The following SGCZ variants were observed in gnomAD, a reference collection of about 807,000 sequenced individuals.
SGCZ encodes zeta-sarcoglycan.
A neutral mutation model predicts 41.3 loss-of-function variants in SGCZ; 40 were observed. The ratio of observed to expected loss-of-function variants is 0.97; its 90% CI spans 0.75 to 1.26. The LOEUF (loss-of-function observed/expected upper bound fraction) is 1.26. Ranked by LOEUF, SGCZ falls within the 50% of genes most tolerant of loss-of-function variation. SGCZ has a pLI of 0.00. For missense variants in SGCZ, 552 were observed against 369.8 expected, an observed-to-expected ratio of 1.49 and a Z score of -4.04; for synonymous variants, 206 against 137.5, an observed-to-expected ratio of 1.50 and a Z score of -3.49.
rs189827896 is a variant in SGCZ, at chr8:14,621,598, A to G, written c.40-66672T>C. Among the ~76,000 whole-genome samples, 3 of 152,304 alleles carry G rather than the reference A, an allele frequency of 2.0e-5. No homozygotes were observed. The East Asian group carries it at 5.8e-4, about 29-fold the overall frequency. ...ATGACCGGAACGCCTCAAGAAAATT[A>G]CAATCATGGCAGAAGGTGAAGGGGA... On this transcript the variant is annotated intron_variant, in intron 1 of 7. Coordinates refer to ENST00000382080, the MANE Select transcript of SGCZ (RefSeq NM_139167.4).
At chr8:14,138,955 A>G (rs1361643192) in intron 5 of SGCZ, among the ~76,000 whole-genome samples, 1 of 152,206 alleles carries the variant, frequency 6.6e-6, no homozygotes, top group East Asian at 1.9e-4. Flanking sequence ...AGCACTCCTC[A>G]GCAAATGTAA....
intron 1 of SGCZ, among the ~76,000 whole-genome samples, chr8:15,088,144 T>C (rs1436431501): frequency 2.0e-5 from 3 of 152,262 alleles, no homozygotes; most frequent in South Asian, 2.1e-4. Flanking sequence ...ATATGCATGA[T>C]ACTTTATATT....
At chr8:14,342,904 G>C (rs1481105465) in intron 2 of SGCZ, among the ~76,000 whole-genome samples, 1 of 152,172 alleles carries the variant, frequency 6.6e-6, no homozygotes, top group African/African-American at 2.4e-5. Flanking sequence ...TGGAGGCCCA[G>C]GAGGAAAAAG....
At chr8:14,654,296 T>A (rs370982170) in intron 1 of SGCZ, among the ~76,000 whole-genome samples, 1 of 151,972 alleles carries the variant, frequency 6.6e-6, no homozygotes, top group South Asian at 2.1e-4. Flanking sequence ...TCGGGAGGAA[T>A]CCCAGTTCTG....
intron 4 of SGCZ, among the ~76,000 whole-genome samples, chr8:14,215,814 A>T (rs952899026): frequency 6.6e-6 from 1 of 152,242 alleles, no homozygotes; most frequent in East Asian, 1.9e-4. Context: ...CATAACCTTA[A>T]ATAAGAGTGT....
chr8:14,649,436 A>G (rs542803629), intron 1 of SGCZ, among the ~76,000 whole-genome samples: 10 of 152,158 alleles, frequency 6.6e-5, no homozygotes, highest in Middle Eastern at 3.4e-3. Context: ...TGAAATACAG[A>G]CTTAATGCGT....
At position 14,201,324 on chromosome 8, in the gene SGCZ, A is replaced by C. The variant is rs187555207; in HGVS notation, c.424+36268T>G. On this transcript the variant is annotated intron_variant, in intron 4 of 7. Transcript: ENST00000382080. ...TTCACAAAAAAAGCCTGTATGCATA[A>C]GCTTCTAGTGGCTTTATATCAAGAA... is the stretch of plus-strand genomic sequence containing the variant. 1.5e-4 allele frequency among the ~76,000 whole-genome samples: 23 copies of C among 152,302 alleles called. No individual in the cohort carries two copies. The East Asian group carries it at 4.4e-3, about 29-fold the overall frequency.
intron 1 of SGCZ, among the ~76,000 whole-genome samples, chr8:14,644,580 C>A (rs562403985): frequency 6.6e-6 from 1 of 151,656 alleles, no homozygotes; most frequent in Non-Finnish European, 1.5e-5. Flanking sequence ...GATCCTGATT[C>A]GAAAATCAAT....
intron 1 of SGCZ, among the ~76,000 whole-genome samples, chr8:14,702,925 G>GTAGA (rs1159190492): frequency 0.035 from 4,388 of 125,902 alleles, 92 homozygotes; most frequent in East Asian, 0.064. Context: ...AGTTAGGTAG[G>GTAGA]TAGATAGATA....
intron 1 of SGCZ, among the ~76,000 whole-genome samples, chr8:15,011,053 T>A (rs996264636): frequency 1.3e-5 from 2 of 152,324 alleles, no homozygotes; most frequent in African/African-American, 4.8e-5. Context: ...TTGCAATTTT[T>A]TCTTTAAATT....
chr8:15,089,639 C>T (rs1471910026), intron 1 of SGCZ, among the ~76,000 whole-genome samples: 1 of 152,144 alleles, frequency 6.6e-6, no homozygotes, highest in African/African-American at 2.4e-5. Flanking sequence ...TTTTTACCTG[C>T]TTGGCCTTCA....
intron 3 of SGCZ, among the ~76,000 whole-genome samples, chr8:14,252,857 C>T (rs1436203516): frequency 1.3e-5 from 2 of 152,150 alleles, no homozygotes; most frequent in South Asian, 2.1e-4. Context: ...TTTCAACTCC[C>T]TGTTTCTGAA....
At chr8:14,303,641 AATG>A (rs554086355) in intron 3 of SGCZ, among the ~76,000 whole-genome samples, 20 of 152,280 alleles carry the variant, frequency 1.3e-4, no homozygotes, top group Non-Finnish European at 2.6e-4. Context: ...CTAATTCTTC[AATG>A]ATGACATCCT....
chr8:14,412,375 T>C (rs1271497351), intron 2 of SGCZ, among the ~76,000 whole-genome samples: 1 of 152,126 alleles, frequency 6.6e-6, no homozygotes, highest in Non-Finnish European at 1.5e-5. Context: ...ATTATAATTA[T>C]GTGTTTCCCT....
At chr8:14,722,524 C>A (rs1359922656) in intron 1 of SGCZ, among the ~76,000 whole-genome samples, 2 of 151,800 alleles carry the variant, frequency 1.3e-5, no homozygotes, top group African/African-American at 4.8e-5. Flanking sequence ...TATTTATGCA[C>A]ACAATATATG....
At chr8:14,438,969 G>T (rs919750084) in intron 2 of SGCZ, among the ~76,000 whole-genome samples, 2 of 151,862 alleles carry the variant, frequency 1.3e-5, no homozygotes, top group Non-Finnish European at 1.5e-5. Context: ...AATAATTTTT[G>T]TAAATCTTTG....
At chr8:15,057,511 A>C (rs1438140162) in intron 1 of SGCZ, among the ~76,000 whole-genome samples, 1 of 152,180 alleles carries the variant, frequency 6.6e-6, no homozygotes. Context: ...ATAATTTATC[A>C]ATATATATTA....
chr8:14,294,043 A>G (rs745848653), intron 3 of SGCZ, among the ~76,000 whole-genome samples: 16 of 151,860 alleles, frequency 1.1e-4, no homozygotes, highest in Non-Finnish European at 2.2e-4. Context: ...TGATGTGCAT[A>G]TATCAACAAT....
chr8:14,958,591 G>A (rs1016201605), intron 1 of SGCZ, among the ~76,000 whole-genome samples: 1 of 152,016 alleles, frequency 6.6e-6, no homozygotes, highest in Non-Finnish European at 1.5e-5. Context: ...AAAGGATAAT[G>A]AAAGAACATT....
Sources: gnomAD v4.1 joint callset for allele counts (sites outside exome capture counted in the v4.1 genomes callset) on GRCh38, gnomAD v4.1.1 for gene constraint, MANE v1.5 for transcripts, NCBI Gene and HGNC (gene_info 2026-07-23, HGNC 2026-07-21) for gene names.